Variants in CSGALNACT1 observed in about 807,000 individuals in gnomAD.
The protein encoded by CSGALNACT1 is beta4GalNAcT-1.
In CSGALNACT1, 52 loss-of-function variants were observed where a neutral mutation model predicts 51.0. That is an observed-to-expected ratio of 1.02 (90% confidence interval 0.82 to 1.29). The LOEUF (loss-of-function observed/expected upper bound fraction) is 1.29, where lower values mean the gene tolerates loss of function less well. CSGALNACT1 is among the 50% of genes most tolerant of loss of function. The pLI, the probability that CSGALNACT1 is intolerant of heterozygous loss-of-function variation, is 0.00. For synonymous variants in CSGALNACT1, 341 were observed against 254.4 expected (o/e 1.34, Z -3.24); for missense variants, 935 against 679.2 (o/e 1.38, Z -4.19).
rs150886707 is a variant in CSGALNACT1 at position 19,429,746 on chromosome 8, A to T, written c.954-9228T>A. 1.1e-3 allele frequency among the ~76,000 whole-genome samples: 174 copies of T among 152,298 alleles called. 4 individuals are homozygous for T. The East Asian group carries it at 0.025, about 22-fold the overall frequency. On this transcript the variant is annotated intron_variant, in intron 6 of 9. Coordinates refer to ENST00000454498, the Ensembl canonical transcript of CSGALNACT1. ...CTGTTCTTTTGGGTATATACCTGGG[A>T]TCAGAACTGCTGAGTCAGATAATAA...
At chr8:19,511,005 C>G (rs2078358341) in intron 3 of CSGALNACT1, among the ~76,000 whole-genome samples, 1 of 152,248 alleles carries the variant, frequency 6.6e-6, no homozygotes, top group South Asian at 2.1e-4. Context: ...GCTGTGTACT[C>G]TGCCAAGATA....
At chr8:19,627,405 A>T (rs1208973294) in intron 1 of CSGALNACT1, among the ~76,000 whole-genome samples, 1 of 152,194 alleles carries the variant, frequency 6.6e-6, no homozygotes, top group Non-Finnish European at 1.5e-5. Context: ...AACTATAAAA[A>T]GATTGCACAA....
At chr8:19,589,508 T>C (rs2047356722) in intron 3 of CSGALNACT1, among the ~76,000 whole-genome samples, 1 of 152,138 alleles carries the variant, frequency 6.6e-6, no homozygotes, top group Admixed American at 6.5e-5. Context: ...GTATTTTTAG[T>C]AGAGATGGAG....
intron 3 of CSGALNACT1, among the ~76,000 whole-genome samples, chr8:19,556,571 T>C (rs1168238070): frequency 2.6e-5 from 4 of 152,270 alleles, no homozygotes; most frequent in Middle Eastern, 3.4e-3. Flanking sequence ...TGCTGACCAA[T>C]AGTGTTGTGC....
intron 1 of CSGALNACT1, among the ~76,000 whole-genome samples, chr8:19,698,334 G>A (rs542651869): frequency 9.8e-5 from 15 of 152,342 alleles, no homozygotes; most frequent in Admixed American, 2.0e-4. Flanking sequence ...ACCAACAGCT[G>A]TGAACATTGA....
At chr8:19,656,415 T>C (rs960701021) in intron 1 of CSGALNACT1, among the ~76,000 whole-genome samples, 1 of 152,112 alleles carries the variant, frequency 6.6e-6, no homozygotes, top group Non-Finnish European at 1.5e-5. Flanking sequence ...TCCAGGATGC[T>C]AGTGCCAGAA....
upstream of CSGALNACT1, among the ~76,000 whole-genome samples, chr8:19,603,790 AGG>A: frequency 6.6e-6 from 1 of 152,314 alleles, no homozygotes; most frequent in East Asian, 1.9e-4. Flanking sequence ...CTAAGTAAAA[AGG>A]GGGGAAATCT....
intron 1 of CSGALNACT1, among the ~76,000 whole-genome samples, chr8:19,670,650 CAA>C (rs752256046): frequency 0.053 from 4,882 of 92,832 alleles, 121 homozygotes; most frequent in African/African-American, 0.12. Context: ...CTACTGAAGA[CAA>C]AAAAAAAAAA....
intron 1 of CSGALNACT1, among the ~76,000 whole-genome samples, chr8:19,723,958 T>C (rs1179638380): frequency 6.6e-6 from 1 of 152,176 alleles, no homozygotes; most frequent in Non-Finnish European, 1.5e-5. Flanking sequence ...CATATTACCA[T>C]TTATTTCAAG....
intron 3 of CSGALNACT1, among the ~76,000 whole-genome samples, chr8:19,521,154 G>C (rs1387529764): frequency 6.6e-6 from 1 of 152,120 alleles, no homozygotes; most frequent in African/African-American, 2.4e-5. Context: ...ATAGGTAACG[G>C]CTAGCCAGCT....
At chr8:19,695,455 C>T (rs2061538289) in intron 1 of CSGALNACT1, among the ~76,000 whole-genome samples, 2 of 152,210 alleles carry the variant, frequency 1.3e-5, no homozygotes, top group Non-Finnish European at 2.9e-5. Flanking sequence ...CTGGCCTCAA[C>T]TTCTTCCTTC....
chr8:19,507,668 G>A lies in CSGALNACT1; in HGVS notation c.-296-1538C>T, dbSNP rs551343660. On this transcript the variant is annotated intron_variant, in intron 3 of 9. Transcript: ENST00000454498. The stretch of plus-strand genomic sequence containing the variant: ...TTGTCGAGACAGAGTCTCGCTCATC[G>A]CCAGGCTGGAATGCAGTGGCGCGAT... Among the ~76,000 whole-genome samples, 359 of 151,580 alleles carry A rather than the reference G, an allele frequency of 2.4e-3. 4 individuals carry two copies. The highest frequency in any genetic ancestry group is 7.6e-3 in the African/African-American group (314 of 41,266).
At chr8:19,633,871 G>A (rs2055636723) in intron 1 of CSGALNACT1, among the ~76,000 whole-genome samples, 1 of 152,122 alleles carries the variant, frequency 6.6e-6, no homozygotes, top group African/African-American at 2.4e-5. Flanking sequence ...ATGCCAAACT[G>A]GTGGCATGCA....
intron 4 of CSGALNACT1, among the ~76,000 whole-genome samples, chr8:19,499,276 T>G (rs2076017782): frequency 6.6e-6 from 1 of 152,170 alleles, no homozygotes; most frequent in Non-Finnish European, 1.5e-5. Flanking sequence ...TATCATGGCA[T>G]TTACCATATG....
chr8:19,681,666 T>C lies in CSGALNACT1; in HGVS notation c.-544+807A>G, dbSNP rs141965288. Among the ~76,000 whole-genome samples the C allele has an allele frequency of 5.1e-4, 78 of 152,300 alleles. 1 individual carries two copies. In the East Asian group the frequency reaches 0.014, roughly 28 times the overall value. On this transcript the variant is annotated intron_variant, in intron 1 of 9. Coordinates refer to the CSGALNACT1 transcript ENST00000332246. Reference sequence around the variant, plus strand: ...GCTTGAAGTGCCTGACCTCGGCACTTGCAGCACCTCATCTGGCCTGGATGT... The same window carrying C: ...GCTTGAAGTGCCTGACCTCGGCACTCGCAGCACCTCATCTGGCCTGGATGT...
intron 1 of CSGALNACT1, among the ~76,000 whole-genome samples, chr8:19,669,505 G>A (rs1379890861): frequency 6.6e-6 from 1 of 152,198 alleles, no homozygotes; most frequent in East Asian, 1.9e-4. Flanking sequence ...AGGCTGGAGT[G>A]CAGTGGCACG....
intron 6 of CSGALNACT1, among the ~76,000 whole-genome samples, chr8:19,437,779 T>C (rs2060620571): frequency 6.6e-6 from 1 of 152,190 alleles, no homozygotes; most frequent in South Asian, 2.1e-4. Context: ...CCAACCAACC[T>C]GGTCTCTAGC....
At chr8:19,545,727 TAA>T (rs1423582825) in intron 3 of CSGALNACT1, among the ~76,000 whole-genome samples, 1 of 151,532 alleles carries the variant, frequency 6.6e-6, no homozygotes, top group Non-Finnish European at 1.5e-5. Context: ...TCCAGGCAAC[TAA>T]AGTTAGATGA....
chr8:19,664,362 A>AG (rs1254008072), intron 1 of CSGALNACT1, among the ~76,000 whole-genome samples: 14 of 152,188 alleles, frequency 9.2e-5, no homozygotes, highest in African/African-American at 3.1e-4. Context: ...GGTGCAGAAA[A>AG]GGCAACACTT....
Sources: gnomAD v4.1 joint callset for allele counts (sites outside exome capture counted in the v4.1 genomes callset) on GRCh38, gnomAD v4.1.1 for gene constraint, MANE v1.5 for transcripts, NCBI Gene and HGNC (gene_info 2026-07-23, HGNC 2026-07-21) for gene names.